The following CCDC88A variants were observed in gnomAD, a reference collection of about 807,000 sequenced individuals.
CCDC88A encodes the protein girdin.
Under a neutral mutation model 234.3 loss-of-function variants are expected in CCDC88A, and 54 were observed. The ratio of observed to expected loss-of-function variants is 0.23; its 90% CI spans 0.19 to 0.29. The LOEUF (loss-of-function observed/expected upper bound fraction) is 0.29. Among genes scored for constraint, CCDC88A ranks in the 10% least tolerant of loss-of-function variants. The probability of loss-of-function intolerance (pLI) is 1.00; values close to 1 mark genes in which losing one functional copy is unlikely to be tolerated. For missense variants in CCDC88A, 1,832 were observed against 2,123.4 expected (o/e 0.86, Z 2.70); for synonymous variants, 753 against 737.8 (o/e 1.02, Z -0.33).
At position 55,358,175 on chromosome 2, in the gene CCDC88A, T is replaced by C. The variant is rs144683584; in HGVS notation, c.628-2424A>G. 2.1e-3 allele frequency among the ~76,000 whole-genome samples: 319 copies of C among 152,288 alleles called. 1 individual carries two copies. Among genetic ancestry groups the C allele is most frequent in the African/African-American group, 7.4e-3 (308 of 41,570 alleles). ...AAAAGGAATTAACATTTATAGAACT[T>C]GTGAGGGATTTTCCAACATGATCTC... On this transcript the variant is annotated intron_variant, in intron 7 of 32. Transcript: ENST00000436346.
At chr2:55,321,078 C>T (rs1467625765) in intron 18 of CCDC88A, 1 of 148,098 alleles carries the variant, frequency 6.8e-6, no homozygotes. Flanking sequence ...CCACTGCATT[C>T]CAGCCTGGGA....
rs1215869522 is a variant in CCDC88A at position 55,328,650 on chromosome 2, C to T, written c.2856-215G>A. ...CAAAATCATTGAGTGAACAGAGCTC[C>T]GGATTATGGCTTAGATTATCAAAAG... On this transcript the variant is annotated intron_variant, in intron 16 of 32. Coordinates refer to ENST00000436346, the MANE Select transcript of CCDC88A (RefSeq NM_001365480.1). This position sits in a 1 kb window ranked among gnomAD's most constrained non-coding sequence, Gnocchi z 4.3. 3 of 345,472 alleles carry T rather than the reference C, an allele frequency of 8.7e-6. No homozygotes were observed. The highest frequency in any genetic ancestry group is 8.9e-5 in the South Asian group (1 of 11,214). The allele number at this position is 345,472 out of a possible 1,614,324, so 21.4% of individuals were successfully genotyped here.
chr2:55,391,999 T>C (rs922050508), intron 2 of CCDC88A, among the ~76,000 whole-genome samples: 2 of 152,216 alleles, frequency 1.3e-5, no homozygotes, highest in Admixed American at 6.5e-5. Flanking sequence ...TTTAGAAGGG[T>C]TGCAGGCCAC....
At chr2:55,312,769 C>A (rs10189439) in intron 22 of CCDC88A, 190 bp from the exon 23 acceptor site, 254,558 of 439,446 alleles carry the variant, frequency 0.58, 77,468 homozygotes, top group Admixed American at 0.67. Context: ...GTCTCTCTCT[C>A]TATATAAATA....
Position 55,418,896 on chromosome 2 carries a change from C to T in CCDC88A, c.84G>A (p.Leu28=). ...LVTWVKTFGP[L]AAGNGTNLDE... is the part of the protein sequence containing the mutation. ...CAAGGTTGGTCCCATTTCCTGCGGCCAGAGGTCCAAACGTTTTAACCTAGA... is the reference window on the plus strand; with the variant it reads ...CAAGGTTGGTCCCATTTCCTGCGGCTAGAGGTCCAAACGTTTTAACCTAGA... Residue 28 remains leucine (L), a synonymous_variant, in exon 2 of 33, where the codon CTG becomes CTA. Coordinates refer to ENST00000436346, the MANE Select transcript of CCDC88A (RefSeq NM_001365480.1). The T allele has an allele frequency of 6.2e-7, 1 of 1,614,106 alleles. No individual in the cohort carries two copies. The highest frequency in any genetic ancestry group is 2.2e-5 in the East Asian group (1 of 44,882).
intron 13 of CCDC88A, chr2:55,339,193 A>T: frequency 3.6e-6 from 1 of 276,918 alleles, no homozygotes; most frequent in Non-Finnish European, 6.6e-6. Context: ...TCCCGACCTC[A>T]GGTTATCCAT....
At chr2:55,306,200 C>G (rs184832090) in intron 25 of CCDC88A, 2 of 152,286 alleles carry the variant, frequency 1.3e-5, no homozygotes, top group East Asian at 3.9e-4. Context: ...CAAGTGTGAG[C>G]CACCGCGCCC....
At chr2:55,403,359 C>T (rs1242506884) in intron 2 of CCDC88A, 1 of 152,142 alleles carries the variant, frequency 6.6e-6, no homozygotes, top group African/African-American at 2.4e-5. Flanking sequence ...TCCCGTTTTG[C>T]CCACAGAATG....
intron 29 of CCDC88A, among the ~76,000 whole-genome samples, chr2:55,298,234 G>A (rs1380535056): frequency 6.6e-6 from 1 of 151,782 alleles, no homozygotes; most frequent in Non-Finnish European, 1.5e-5. Context: ...AAAGAATTTG[G>A]CTCAAGTTAT....
At chr2:55,363,835 A>G in intron 6 of CCDC88A, 115 bp downstream of exon 6, 1 of 551,028 alleles carries the variant, frequency 1.8e-6, no homozygotes, top group Non-Finnish European at 3.2e-6. Context: ...GGGTCCATCT[A>G]TATTTGTTGA....
At chr2:55,377,881 C>T (rs1673958661) in intron 3 of CCDC88A, among the ~76,000 whole-genome samples, 1 of 152,186 alleles carries the variant, frequency 6.6e-6, no homozygotes, top group Admixed American at 6.5e-5. Context: ...GCTGAGATTA[C>T]AGGTGTGAGC....
chr2:55,301,398 A>C (rs894436437), intron 27 of CCDC88A, 121 bp from the exon 28 acceptor site: 5 of 561,328 alleles, frequency 8.9e-6, no homozygotes, highest in African/African-American at 7.9e-5. Context: ...TTGACTTAAC[A>C]TATTTCATAG....
intron 18 of CCDC88A, among the ~76,000 whole-genome samples, chr2:55,321,833 T>C (rs895805746): frequency 1.3e-5 from 2 of 152,088 alleles, no homozygotes; most frequent in African/African-American, 4.8e-5. Context: ...GTGATTCTTT[T>C]TGAATGAGAA....
At chr2:55,354,187 C>A (rs1231472186) in intron 8 of CCDC88A, among the ~76,000 whole-genome samples, 1 of 150,892 alleles carries the variant, frequency 6.6e-6, no homozygotes, top group Non-Finnish European at 1.5e-5. Context: ...GTCAGCCAGG[C>A]TGGAGTGCAG....
At chr2:55,310,609 C>T (rs940314850) in intron 23 of CCDC88A, among the ~76,000 whole-genome samples, 6 of 151,630 alleles carry the variant, frequency 4.0e-5, no homozygotes, top group Admixed American at 3.3e-4. Flanking sequence ...GATAAGAAAA[C>T]ATTCAGGAAG....
At chr2:55,349,306 C>T (rs1418932386) in intron 9 of CCDC88A, 2 of 511,946 alleles carry the variant, frequency 3.9e-6, no homozygotes, top group Non-Finnish European at 6.8e-6. Context: ...TCTTTTGAAT[C>T]TTAGCAGAGT....
At chr2:55,313,683 A>ATAC (rs1682614636) in intron 22 of CCDC88A, 2 of 152,154 alleles carry the variant, frequency 1.3e-5, no homozygotes, top group African/African-American at 4.8e-5. Context: ...ATCTGTATTA[A>ATAC]AAAAGCAAAA....
intron 14 of CCDC88A, 43 bp downstream of exon 14, chr2:55,336,634 TAATA>T (rs760891086): frequency 2.7e-4 from 327 of 1,201,464 alleles, no homozygotes; most frequent in Middle Eastern, 2.2e-3. Context: ...TAACTTTTGC[TAATA>T]AATTTTAAAA....
Position 55,336,739 on chromosome 2 carries a change from T to C in CCDC88A, c.1598A>G (p.Lys533Arg). The change falls in exon 14 of 33, where the codon AAG becomes AGG. Residue 533 changes from lysine (K) to arginine (R), a missense_variant. Around this residue, in one of 6 missense-constraint regions of CCDC88A, gnomAD observed 1,282 missense variants for 1,543.6 expected, o/e 0.83. Coordinates refer to ENST00000436346, the MANE Select transcript of CCDC88A (RefSeq NM_001365480.1). Reference protein sequence around the residue: ...NCQNLSKDLMKEKAQLEKTIE... With the variant: ...NCQNLSKDLMREKAQLEKTIE... The stretch of plus-strand genomic sequence containing the variant: ...TGTTTTTTCAAGCTGAGCTTTCTCC[T>C]TCATTAGATCCTTGCTTAAATTCTG... 6.3e-7 allele frequency: 1 copy of C among 1,598,948 alleles called. No homozygotes were observed. Among genetic ancestry groups the C allele is most frequent in the Non-Finnish European group, 8.5e-7 (1 of 1,171,568 alleles).
Sources: allele counts gnomAD v4.1 joint callset (sites outside exome capture counted in the v4.1 genomes callset), GRCh38; gene constraint gnomAD v4.1.1; regional missense constraint gnomAD v4.1.1; non-coding constraint Gnocchi (gnomAD v3.1); transcripts MANE v1.5; gene names NCBI Gene and HGNC (gene_info 2026-07-23, HGNC 2026-07-21).